CORIN: variants seen among roughly 807,000 people sequenced by gnomAD.
CORIN encodes the protein atrial natriuretic peptide-converting enzyme.
CORIN carries 117 observed loss-of-function variants against 125.3 expected under a neutral mutation model. The ratio of observed to expected loss-of-function variants is 0.93; its 90% CI spans 0.80 to 1.09. The LOEUF (loss-of-function observed/expected upper bound fraction) is 1.09, where lower values mean the gene tolerates loss of function less well. CORIN is among the 50% of genes least tolerant of loss of function. The pLI is 0.00. For missense variants in CORIN, 1,253 were observed against 1,306.7 expected (o/e 0.96, Z 0.63); for synonymous variants, 450 against 466.4 (o/e 0.96, Z 0.45).
intron 3 of CORIN, among the ~76,000 whole-genome samples, chr4:47,777,371 G>A (rs768594368): frequency 1.1e-4 from 16 of 152,068 alleles, no homozygotes; most frequent in South Asian, 6.2e-4. Context: ...GGTGGCTCAC[G>A]TCTGTAATCC....
At chr4:47,629,178 C>T (rs1238094516) in intron 16 of CORIN, among the ~76,000 whole-genome samples, 1 of 152,096 alleles carries the variant, frequency 6.6e-6, no homozygotes, top group Non-Finnish European at 1.5e-5. Context: ...TAGGGTTTCC[C>T]CTTCTCCACT....
At chr4:47,687,892 T>C (rs189039946) in intron 6 of CORIN, among the ~76,000 whole-genome samples, 34 of 152,294 alleles carry the variant, frequency 2.2e-4, no homozygotes, top group African/African-American at 8.2e-4. Flanking sequence ...GGCTTCCAGC[T>C]CTAGAAAAGG....
chr4:47,721,225 G>C (rs569892986), intron 5 of CORIN, among the ~76,000 whole-genome samples: 3 of 151,620 alleles, frequency 2.0e-5, no homozygotes, highest in South Asian at 2.1e-4. Context: ...TCTTCTAGGA[G>C]CACTTCTAAT....
At chr4:47,809,396 CTTTTTTTTTTTTTTT>C (rs374248975) in intron 1 of CORIN, among the ~76,000 whole-genome samples, 29,563 of 107,394 alleles carry the variant, frequency 0.28, 3,845 homozygotes, top group Admixed American at 0.37. Context: ...GAATTGATTG[CTTTTTTTTTTTTTTT>C]TTTTTTTTTT....
At chr4:47,596,266 T>TA (rs1380431797) in intron 21 of CORIN, among the ~76,000 whole-genome samples, 2 of 152,182 alleles carry the variant, frequency 1.3e-5, no homozygotes, top group African/African-American at 4.8e-5. Context: ...AAGCTTGACT[T>TA]ATGACTGTGG....
At chr4:47,797,711 TC>T (rs1160980385) in intron 2 of CORIN, among the ~76,000 whole-genome samples, 2 of 152,090 alleles carry the variant, frequency 1.3e-5, no homozygotes, top group African/African-American at 4.8e-5. Flanking sequence ...TGATAATTAT[TC>T]ATAATCAAAT....
chr4:47,745,541 G>T (rs150861207), intron 4 of CORIN, among the ~76,000 whole-genome samples: 1 of 152,338 alleles, frequency 6.6e-6, no homozygotes, highest in East Asian at 1.9e-4. Flanking sequence ...TCCTTCAAAT[G>T]AGATAGTTCC....
At chr4:47,825,355 C>T (rs960022004) in intron 1 of CORIN, among the ~76,000 whole-genome samples, 1 of 152,200 alleles carries the variant, frequency 6.6e-6, no homozygotes, top group African/African-American at 2.4e-5. Context: ...CCACACCACA[C>T]CTATCTGCGG....
At chr4:47,707,015 C>G (rs756505285) in intron 5 of CORIN, 4 of 1,493,942 alleles carry the variant, frequency 2.7e-6, no homozygotes, top group Non-Finnish European at 3.6e-6. Flanking sequence ...AAATTCATAC[C>G]TAATAAACAA....
At chr4:47,776,449 C>A (rs565685790) in intron 3 of CORIN, among the ~76,000 whole-genome samples, 2 of 152,242 alleles carry the variant, frequency 1.3e-5, no homozygotes, top group Admixed American at 6.5e-5. Flanking sequence ...CCACAGCAAC[C>A]TCCCATATTA....
At chr4:47,755,999 C>T (rs1240560671) in intron 4 of CORIN, among the ~76,000 whole-genome samples, 1 of 152,088 alleles carries the variant, frequency 6.6e-6, no homozygotes, top group Non-Finnish European at 1.5e-5. Context: ...AATGGGTATA[C>T]AATGATGTAC....
intron 3 of CORIN, among the ~76,000 whole-genome samples, chr4:47,771,168 G>A (rs1730012425): frequency 6.6e-6 from 1 of 152,088 alleles, no homozygotes; most frequent in African/African-American, 2.4e-5. Flanking sequence ...CCCTCACAGA[G>A]GGACCAACTA....
At chr4:47,766,526 T>C (rs1204830916) in intron 3 of CORIN, among the ~76,000 whole-genome samples, 1 of 152,102 alleles carries the variant, frequency 6.6e-6, no homozygotes, top group Non-Finnish European at 1.5e-5. Flanking sequence ...TTATTCCAGT[T>C]TGACATGTGC....
At chr4:47,690,046 T>G (rs191727057) in intron 6 of CORIN, among the ~76,000 whole-genome samples, 230 of 152,270 alleles carry the variant, frequency 1.5e-3, no homozygotes, top group Non-Finnish European at 2.0e-3. Context: ...CAACAAATAC[T>G]TAAGAAGAGA....
intron 3 of CORIN, among the ~76,000 whole-genome samples, chr4:47,779,931 A>ATTTACAGCAT (rs1427773460): frequency 6.6e-6 from 1 of 152,246 alleles, no homozygotes; most frequent in African/African-American, 2.4e-5. Flanking sequence ...ACTGCAATTT[A>ATTTACAGCAT]GACAGCATCA....
At chr4:47,691,391 T>C (rs1295249662) in intron 6 of CORIN, among the ~76,000 whole-genome samples, 1 of 152,182 alleles carries the variant, frequency 6.6e-6, no homozygotes, top group African/African-American at 2.4e-5. Context: ...CTTCCCAGTG[T>C]AAATACACAG....
At chr4:47,632,868 C>T (rs779050858) in intron 16 of CORIN, among the ~76,000 whole-genome samples, 2 of 152,062 alleles carry the variant, frequency 1.3e-5, no homozygotes, top group Non-Finnish European at 2.9e-5. Flanking sequence ...CAACCTCCAC[C>T]TTCCAGGTTC....
chr4:47,597,716 G>A (rs997325690), intron 21 of CORIN, among the ~76,000 whole-genome samples: 15 of 152,142 alleles, frequency 9.9e-5, no homozygotes, highest in African/African-American at 3.1e-4. Flanking sequence ...TTATGTCAGA[G>A]GGTGATTAAA....
chr4:47,647,790 A>G (rs1371428845), intron 13 of CORIN, among the ~76,000 whole-genome samples: 1 of 152,204 alleles, frequency 6.6e-6, no homozygotes, highest in Non-Finnish European at 1.5e-5. Flanking sequence ...CAGTGGAAGC[A>G]CAGCTTTAGA....
Sources: allele counts gnomAD v4.1 joint callset (sites outside exome capture counted in the v4.1 genomes callset), GRCh38; gene constraint gnomAD v4.1.1; transcripts MANE v1.5; gene names NCBI Gene and HGNC (gene_info 2026-07-23, HGNC 2026-07-21).